OTOG: variants seen among roughly 807,000 people sequenced by gnomAD.
OTOG encodes the protein otogelin.
Under a neutral mutation model 313.8 loss-of-function variants are expected in OTOG, and 296 were observed. The observed-to-expected ratio is 0.94, with a 90% confidence interval of 0.86 to 1.04. The LOEUF is 1.04. OTOG is among the 50% of genes least tolerant of loss of function. OTOG has a pLI of 0.00. For missense variants in OTOG, 3,948 were observed against 3,840.1 expected (o/e 1.03, Z -0.74); for synonymous variants, 1,533 against 1,554.9 (o/e 0.99, Z 0.33).
Position 17,610,094 on chromosome 11 carries a change from C to A in OTOG, c.4794C>A (p.Ser1598Arg), listed in dbSNP as rs1317840376. The change falls in exon 36 of 56, where the codon AGC becomes AGA. Residue 1598 changes from serine (S) to arginine (R), a missense_variant. Coordinates refer to ENST00000399397, the MANE Select transcript of OTOG (RefSeq NM_001292063.2). ...TTRVTVIFAG[S>R]PNITVSSRSP... ...GGGTGACTGTGATCTTTGCAGGAAG[C>A]CCTAACATCACAGTCTCCTCCCGGT... 4 of 1,550,470 alleles carry A rather than the reference C, an allele frequency of 2.6e-6. No individual in the cohort carries two copies. The Admixed American group carries it at 7.8e-5, about 30-fold the overall frequency.
chr11:17,574,687 G>GACAAAGCA, intron 19 of OTOG, 33 bp from the exon 20 acceptor site: 1 of 1,536,212 alleles, frequency 6.5e-7, no homozygotes, highest in African/African-American at 1.4e-5. Context: ...GGATGAGGGA[G>GACAAAGCA]ACAAAGCATG....
intron 23 of OTOG, among the ~76,000 whole-genome samples, chr11:17,581,787 A>G (rs1209081068): frequency 6.6e-6 from 1 of 152,194 alleles, no homozygotes; most frequent in Non-Finnish European, 1.5e-5. Context: ...CCTAATGTGA[A>G]TATATAATGT....
In OTOG at chr11:17,609,910, C is replaced by G; in HGVS notation, c.4610C>G (p.Thr1537Ser). The G allele has an allele frequency of 6.6e-7, 1 of 1,524,156 alleles. No homozygotes were observed. The highest frequency in any genetic ancestry group is 8.8e-7 in the Non-Finnish European group (1 of 1,132,568). The allele number at this position is 1,524,156 out of a possible 1,614,324, so 94.4% of individuals were successfully genotyped here. A position where few individuals can be genotyped will look rare whatever the true frequency, so the allele number is the denominator to read the frequency against. The change falls in exon 36 of 56, where the codon ACT becomes AGT. Residue 1537 changes from threonine to serine, a missense_variant. Transcript: ENST00000399397. Reference sequence around the variant, plus strand: ...ACCCTGCAGCAGCCACTGGAGCTCACTGCATCTCAACTCCCCGCCGGCCCC... The same window carrying G: ...ACCCTGCAGCAGCCACTGGAGCTCAGTGCATCTCAACTCCCCGCCGGCCCC... Reference protein sequence around the residue: ...QTTLQQPLELTASQLPAGPTE... With the variant: ...QTTLQQPLELSASQLPAGPTE...
Position 17,558,653 on chromosome 11 carries a change from G to A in OTOG, c.1103+9G>A. 6.5e-7 allele frequency: 1 copy of A among 1,548,088 alleles called. No individual in the cohort carries two copies. Among genetic ancestry groups the A allele is most frequent in the Non-Finnish European group, 8.7e-7 (1 of 1,146,546 alleles). ...ACCAGTGATCTCTGCCAGTGAGTAG[G>A]GGTGGTGTGGGCTATGGGGAACCCT... On this transcript the variant is annotated intron_variant, in intron 10 of 55. Coordinates refer to ENST00000399397, the MANE Select transcript of OTOG (RefSeq NM_001292063.2).
At chr11:17,599,318 T>G (rs913882053) in intron 30 of OTOG, among the ~76,000 whole-genome samples, 1 of 152,206 alleles carries the variant, frequency 6.6e-6, no homozygotes, top group Non-Finnish European at 1.5e-5. Context: ...TTCCGCAACA[T>G]TTCTGATTAA....
Position 17,609,583 on chromosome 11 carries a change from C to G in OTOG, c.4355-72C>G. The G allele has an allele frequency of 6.7e-6, 9 of 1,336,394 alleles. No homozygotes were observed. In the South Asian group the frequency reaches 1.3e-4, roughly 20 times the overall value. The allele number at this position is 1,336,394 out of a possible 1,614,324, so 82.8% of individuals were successfully genotyped here. ...GTGCCAGTCCTCAAGCCTCACACCA[C>G]AGCCCTGCCCAGCAATGACCCCCGG... is the stretch of plus-strand genomic sequence containing the variant. On this transcript the variant is annotated intron_variant, in intron 35 of 55. Coordinates refer to ENST00000399397, the MANE Select transcript of OTOG (RefSeq NM_001292063.2).
At position 17,641,938 on chromosome 11, in the gene OTOG, C is replaced by T. The variant is rs945439921; in HGVS notation, c.8282C>T (p.Thr2761Ile). The change falls in exon 52 of 56, where the codon ACC becomes ATC. Residue 2761 changes from threonine to isoleucine, a missense_variant. Physicochemically the swap from Thr to Ile is moderately conservative, Grantham distance 89. Coordinates refer to ENST00000399397, the MANE Select transcript of OTOG (RefSeq NM_001292063.2). ...SCLFTFPNGT[T>I]SLFLPGASWI... ...CTCTTCACCTTCCCCAATGGCACCA[C>T]CTCCCTGTTCTTGGTAAGCAGCCCC... is the stretch of plus-strand genomic sequence containing the variant. The T allele has an allele frequency of 6.5e-7, 1 of 1,550,188 alleles. No individual in the cohort carries two copies. The highest frequency in any genetic ancestry group is 2.4e-5 in the East Asian group (1 of 40,920).
At chr11:17,618,902 C>T (rs1590047243) in intron 39 of OTOG, among the ~76,000 whole-genome samples, 2 of 152,096 alleles carry the variant, frequency 1.3e-5, no homozygotes, top group South Asian at 4.1e-4. Flanking sequence ...AGCGTGTATA[C>T]CTAATATGTA....
chr11:17,580,693 T>C lies in OTOG; in HGVS notation c.2759+2167T>C, dbSNP rs537154615. The stretch of plus-strand genomic sequence containing the variant: ...AGAAGGAAGGCAGTGAGCCAGCCCT[T>C]CACTGGTGTCTGATGCAATTATGGG... On this transcript the variant is annotated intron_variant, in intron 23 of 55. Coordinates refer to ENST00000399397, the MANE Select transcript of OTOG (RefSeq NM_001292063.2). Among the ~76,000 whole-genome samples the C allele has an allele frequency of 3.9e-5, 6 of 152,326 alleles. No homozygotes were observed. In the South Asian group the frequency reaches 1.2e-3, roughly 32 times the overall value.
At chr11:17,601,489 TG>T (rs1397631131) in intron 31 of OTOG, among the ~76,000 whole-genome samples, 4 of 18,800 alleles carry the variant, frequency 2.1e-4, no homozygotes, top group Admixed American at 6.6e-4. Flanking sequence ...GTGGGGGGAG[TG>T]GGGGAGGTGG....
chr11:17,613,401 T>TCATTCC (rs1853645987), intron 38 of OTOG, among the ~76,000 whole-genome samples: 1 of 120,658 alleles, frequency 8.3e-6, no homozygotes, highest in African/African-American at 4.0e-5. Flanking sequence ...TCCTTCCTTT[T>TCATTCC]TTTCTGTTTT....
intron 12 of OTOG, among the ~76,000 whole-genome samples, chr11:17,560,133 C>A (rs949859315): frequency 6.6e-6 from 1 of 152,192 alleles, no homozygotes; most frequent in African/African-American, 2.4e-5. Flanking sequence ...TTTGTTTAAG[C>A]ATTGGTCCAT....
chr11:17,632,335 A>T, intron 42 of OTOG, 109 bp downstream of exon 42: 1 of 1,140,970 alleles, frequency 8.8e-7, no homozygotes, highest in Non-Finnish European at 1.2e-6. Context: ...CCCAGCTTTA[A>T]TCATTCATGG....
chr11:17,599,885 T>A (rs1853206555), intron 31 of OTOG, among the ~76,000 whole-genome samples, 188 bp downstream of exon 31: 1 of 152,162 alleles, frequency 6.6e-6, no homozygotes, highest in East Asian at 1.9e-4. Context: ...TGCACCTCTA[T>A]CCTCAGCAGT....
chr11:17,592,616 A>G (rs1224831731), intron 25 of OTOG, among the ~76,000 whole-genome samples: 1 of 152,140 alleles, frequency 6.6e-6, no homozygotes, highest in African/African-American at 2.4e-5. Context: ...TTTACTTAAG[A>G]GGATACCTCG....
chr11:17,561,064 C>T, intron 13 of OTOG, 27 bp from the exon 14 acceptor site: 1 of 1,550,524 alleles, frequency 6.4e-7, no homozygotes, highest in East Asian at 2.4e-5. Context: ...GGGGTGACCT[C>T]TTGCCTCCTT....
chr11:17,604,015 T>C (rs1271884563), intron 32 of OTOG, among the ~76,000 whole-genome samples: 1 of 152,056 alleles, frequency 6.6e-6, no homozygotes. Flanking sequence ...TCTTAGGAGG[T>C]AGGGACTATT....
In OTOG at chr11:17,573,275, C is replaced by A; in HGVS notation, c.2278C>A (p.Arg760Ser). 1 of 1,527,526 alleles carries A rather than the reference C, an allele frequency of 6.5e-7. No individual in the cohort carries two copies. The highest frequency in any genetic ancestry group is 8.8e-7 in the Non-Finnish European group (1 of 1,141,054). The allele number at this position is 1,527,526 out of a possible 1,614,324, so 94.6% of individuals were successfully genotyped here. Residue 760 changes from arginine to serine, a missense_variant, in exon 19 of 56, where the codon CGC (arginine) becomes AGC (serine). Physicochemically the swap from Arg to Ser is moderately radical, Grantham distance 110 (BLOSUM62 -1). Coordinates refer to ENST00000399397, the MANE Select transcript of OTOG (RefSeq NM_001292063.2). Reference sequence around the variant, plus strand: ...TGGGCTCCCCGTTGATTTCCGCGCCCGCCTGCCAGCCTGTGGTGAGTGCCC... The same window carrying A: ...TGGGCTCCCCGTTGATTTCCGCGCCAGCCTGCCAGCCTGTGGTGAGTGCCC... ...RHGLPVDFRARLPACALSCEA... is the reference protein window; with the variant it reads ...RHGLPVDFRASLPACALSCEA...
At chr11:17,599,010 G>T (rs1853179792) in intron 30 of OTOG, among the ~76,000 whole-genome samples, 1 of 152,204 alleles carries the variant, frequency 6.6e-6, no homozygotes, top group African/African-American at 2.4e-5. Context: ...TATCCGCCTG[G>T]CTCCTCATGG....
Sources: gnomAD v4.1 joint callset for allele counts (sites outside exome capture counted in the v4.1 genomes callset) on GRCh38, gnomAD v4.1.1 for gene constraint, MANE v1.5 for transcripts, NCBI Gene and HGNC (gene_info 2026-07-23, HGNC 2026-07-21) for gene names.